AGO3: variants seen among roughly 807,000 people sequenced by gnomAD.
AGO3 encodes the protein argonaute RISC catalytic component 3.
In AGO3, 16 loss-of-function variants were observed where a neutral mutation model predicts 105.5. The ratio of observed to expected loss-of-function variants is 0.15; its 90% CI spans 0.10 to 0.23. AGO3 has a LOEUF of 0.23. AGO3 is among the 10% of genes least tolerant of loss of function. AGO3 has a pLI of 1.00. For synonymous variants in AGO3, 340 were observed against 367.3 expected, an observed-to-expected ratio of 0.93 and a Z score of 0.85; for missense variants, 534 against 1,088.0, an observed-to-expected ratio of 0.49 and a Z score of 7.16.
At chr1:36,053,205 T>C (rs938290838) in intron 17 of AGO3, among the ~76,000 whole-genome samples, 1 of 152,218 alleles carries the variant, frequency 6.6e-6, no homozygotes, top group South Asian at 2.1e-4. Flanking sequence ...TAGAAATATT[T>C]CTCCGATATA....
intron 5 of AGO3, among the ~76,000 whole-genome samples, chr1:36,002,621 C>T (rs1030000311): frequency 2.0e-5 from 3 of 151,872 alleles, no homozygotes; most frequent in African/African-American, 4.8e-5. Context: ...TGTGAGCCAC[C>T]GTGCCCGGCC....
intron 11 of AGO3, among the ~76,000 whole-genome samples, chr1:36,025,526 C>G (rs915841041): frequency 1.3e-5 from 2 of 151,740 alleles, no homozygotes; most frequent in Non-Finnish European, 2.9e-5. Flanking sequence ...GGGCTTGTGG[C>G]TCTTGTTAGG....
At chr1:35,989,068 G>A (rs1220282319) in intron 5 of AGO3, among the ~76,000 whole-genome samples, 1 of 152,140 alleles carries the variant, frequency 6.6e-6, no homozygotes, top group East Asian at 1.9e-4. Context: ...TGGTAATTGA[G>A]CACTATAATA....
At chr1:36,011,801 CATTTT>C (rs1056094949) in intron 9 of AGO3, among the ~76,000 whole-genome samples, 1 of 152,158 alleles carries the variant, frequency 6.6e-6, no homozygotes, top group African/African-American at 2.4e-5. Flanking sequence ...TTTTGGCAAT[CATTTT>C]ACTTTACTGA....
chr1:35,946,851 C>T (rs954998988), intron 2 of AGO3, among the ~76,000 whole-genome samples: 2 of 152,108 alleles, frequency 1.3e-5, no homozygotes, highest in African/African-American at 4.8e-5. Flanking sequence ...CAGGAAGACT[C>T]GTAGAGTGTT....
At chr1:36,040,097 G>T in intron 15 of AGO3, 113 bp downstream of exon 15, 1 of 1,272,194 alleles carries the variant, frequency 7.9e-7, no homozygotes, top group Non-Finnish European at 1.1e-6. Flanking sequence ...TCAAAACTTG[G>T]TGTTTTGTTA....
intron 4 of AGO3, among the ~76,000 whole-genome samples, chr1:35,973,078 T>C (rs1646897393): frequency 6.6e-6 from 1 of 151,986 alleles, no homozygotes; most frequent in African/African-American, 2.4e-5. Flanking sequence ...AATTATTTAC[T>C]TGTTAACATT....
chr1:35,982,661 G>GA (rs1309628826), intron 5 of AGO3: 4 of 717,072 alleles, frequency 5.6e-6, no homozygotes, highest in Non-Finnish European at 1.0e-5. Flanking sequence ...AGATAGAGGA[G>GA]AAAAAACTAA....
At chr1:35,965,241 C>A (rs185632271) in intron 2 of AGO3, among the ~76,000 whole-genome samples, 17 of 152,020 alleles carry the variant, frequency 1.1e-4, no homozygotes, top group Non-Finnish European at 2.2e-4. Flanking sequence ...CCTCTAATCC[C>A]AGCACTTTAG....
intron 17 of AGO3, among the ~76,000 whole-genome samples, chr1:36,046,551 T>G (rs1295812679): frequency 1.5e-5 from 2 of 137,226 alleles, no homozygotes; most frequent in Non-Finnish European, 3.0e-5. Context: ...ACAAATTAGT[T>G]GGACGTCATG....
At chr1:35,976,879 A>G (rs949441275) in intron 5 of AGO3, among the ~76,000 whole-genome samples, 2 of 152,182 alleles carry the variant, frequency 1.3e-5, no homozygotes, top group Non-Finnish European at 2.9e-5. Flanking sequence ...TTCCTAAAAA[A>G]TTCAGAAGTT....
intron 1 of AGO3, among the ~76,000 whole-genome samples, chr1:35,939,796 T>G (rs1259556704): frequency 3.3e-5 from 5 of 152,140 alleles, no homozygotes; most frequent in Non-Finnish European, 2.9e-5. Context: ...TAGGCAGAAC[T>G]GTATAATAAA....
At position 36,067,011 on chromosome 1, in the gene AGO3, G is replaced by A. The variant is rs571206174; in HGVS notation, c.*11266G>A. Reference sequence around the variant, plus strand: ...AGGCACACCTATTCTCAGTAACTTAGAGAAGTCTTGGAAGTTGCTTCTGAA... The same window carrying A: ...AGGCACACCTATTCTCAGTAACTTAAAGAAGTCTTGGAAGTTGCTTCTGAA... On this transcript the variant is annotated 3_prime_UTR_variant, in exon 19 of 19. Transcript: ENST00000373191. The A allele has an allele frequency of 1.6e-4, 24 of 152,302 alleles. No individual in the cohort carries two copies. Among genetic ancestry groups the A allele is most frequent in the Admixed American group, 3.3e-4 (5 of 15,288 alleles). The allele number at this position is 152,302 out of a possible 1,614,324, so 9.4% of individuals were successfully genotyped here.
chr1:35,979,145 A>T (rs1170456792), intron 5 of AGO3, among the ~76,000 whole-genome samples: 2 of 152,158 alleles, frequency 1.3e-5, no homozygotes, highest in Non-Finnish European at 2.9e-5. Context: ...CGGGCGGATC[A>T]CGAGGTCAGG....
At chr1:36,026,752 G>A (rs1396902255) in intron 11 of AGO3, among the ~76,000 whole-genome samples, 1 of 152,138 alleles carries the variant, frequency 6.6e-6, no homozygotes, top group Admixed American at 6.5e-5. Flanking sequence ...TATAGTTGAA[G>A]CAATCCTTTT....
intron 11 of AGO3, among the ~76,000 whole-genome samples, chr1:36,024,895 A>G (rs1166960960): frequency 6.6e-6 from 1 of 151,836 alleles, no homozygotes; most frequent in African/African-American, 2.4e-5. Context: ...TATTCCTTCT[A>G]TCTCCCTGGC....
At chr1:36,033,922 A>G (rs1458802349) in intron 12 of AGO3, among the ~76,000 whole-genome samples, 1 of 152,222 alleles carries the variant, frequency 6.6e-6, no homozygotes, top group Admixed American at 6.5e-5. Flanking sequence ...CAGTTATGCT[A>G]TGGCAAAAAT....
chr1:35,954,100 A>C (rs1297290338), intron 2 of AGO3, among the ~76,000 whole-genome samples: 1 of 152,226 alleles, frequency 6.6e-6, no homozygotes, highest in East Asian at 1.9e-4. Context: ...ACTACCAGTA[A>C]AAACCAAATG....
chr1:35,931,594 C>G lies in AGO3; in HGVS notation c.19+149C>G, dbSNP rs567573132. 5.1e-4 allele frequency: 466 copies of G among 915,066 alleles called. 3 individuals are homozygous for G. In the South Asian group the frequency reaches 9.7e-3, roughly 19 times the overall value. The allele number at this position is 915,066 out of a possible 1,614,324, so 56.7% of individuals were successfully genotyped here. The stretch of plus-strand genomic sequence containing the variant: ...CGCCCCTCGCCCTGCTCCTCCGCGA[C>G]CTCCCCGCAGCCCAGCCCCAGTTCC... On this transcript the variant is annotated intron_variant, in intron 1 of 18. Coordinates refer to ENST00000373191, the MANE Select transcript of AGO3 (RefSeq NM_024852.4).
Sources: gnomAD v4.1 joint callset for allele counts (sites outside exome capture counted in the v4.1 genomes callset) on GRCh38, gnomAD v4.1.1 for gene constraint, MANE v1.5 for transcripts, NCBI Gene and HGNC (gene_info 2026-07-23, HGNC 2026-07-21) for gene names.